Variants in WHRN observed in about 807,000 individuals in gnomAD.
WHRN encodes CASK-interacting protein CIP98.
A neutral mutation model predicts 68.3 loss-of-function variants in WHRN; 41 were observed. That is an observed-to-expected ratio of 0.60 (90% CI 0.47 to 0.78). The LOEUF is 0.78. Ranked by LOEUF, WHRN falls within the 30% of genes least tolerant of loss-of-function variation. WHRN has a pLI of 0.00. For missense variants in WHRN, 1,243 were observed against 1,244.7 expected (o/e 1.00, Z 0.02); for synonymous variants, 560 against 561.3 (o/e 1.00, Z 0.03).
intron 1 of WHRN, among the ~76,000 whole-genome samples, chr9:114,493,564 G>A (rs1037709454): frequency 2.0e-5 from 3 of 152,128 alleles, no homozygotes; most frequent in Non-Finnish European, 4.4e-5. Context: ...GAAGTGTGCT[G>A]ATCAGGCAGT....
rs1225379189 is a variant in WHRN, at chr9:114,468,627, T to G, written c.838-2235A>C. On this transcript the variant is annotated intron_variant, in intron 2 of 11. Coordinates refer to ENST00000362057, the MANE Select transcript of WHRN (RefSeq NM_015404.4). ...TGTGGGATGGGCCCAGCTGCCTTAG[T>G]CCAGGACCAGCCCCAGTTTTCTCCT... 5.3e-5 allele frequency among the ~76,000 whole-genome samples: 8 copies of G among 152,072 alleles called. No individual in the cohort carries two copies. The South Asian group carries it at 1.7e-3, about 32-fold the overall frequency.
At chr9:114,432,620 C>T (rs189050316) in intron 3 of WHRN, among the ~76,000 whole-genome samples, 1 of 152,318 alleles carries the variant, frequency 6.6e-6, no homozygotes, top group East Asian at 1.9e-4. Context: ...GTGCCTGTTA[C>T]CTCCTCTGGA....
intron 3 of WHRN, among the ~76,000 whole-genome samples, chr9:114,427,260 T>A (rs1778357808): frequency 6.6e-6 from 1 of 152,204 alleles, no homozygotes. Context: ...CCTCTCTTTT[T>A]ACAAAAATAC....
At chr9:114,466,994 C>T (rs1840762999) in intron 2 of WHRN, among the ~76,000 whole-genome samples, 1 of 151,286 alleles carries the variant, frequency 6.6e-6, no homozygotes, top group South Asian at 2.1e-4. Flanking sequence ...CCCCAGAGTT[C>T]TCCTGTCACC....
intron 3 of WHRN, among the ~76,000 whole-genome samples, chr9:114,436,128 A>C (rs1837828359): frequency 6.6e-6 from 1 of 152,208 alleles, no homozygotes. Flanking sequence ...CCAGTCTGAA[A>C]AGGCTACACA....
intron 3 of WHRN, among the ~76,000 whole-genome samples, chr9:114,431,264 C>T (rs1837399859): frequency 6.6e-6 from 1 of 152,162 alleles, no homozygotes; most frequent in Admixed American, 6.5e-5. Context: ...CATGATACTA[C>T]CACTAGTTCC....
chr9:114,424,587 C>T (rs1457022039), intron 5 of WHRN, 41 bp from the exon 6 acceptor site: 1 of 1,564,682 alleles, frequency 6.4e-7, no homozygotes, highest in African/African-American at 1.4e-5. Context: ...TTCTTAGCTG[C>T]TCTAGAGCTG....
Position 114,408,122 on chromosome 9 carries a change from T to C in WHRN, c.1627-104A>G, listed in dbSNP as rs1316693273. On this transcript the variant is annotated intron_variant, in intron 7 of 11. Coordinates refer to ENST00000362057, the MANE Select transcript of WHRN (RefSeq NM_015404.4). The stretch of plus-strand genomic sequence containing the variant: ...TTGAGGAAGTCTTAGGACACCTCCA[T>C]GTGGTTCATGTGAGCCCTGACATAC... 8 of 883,888 alleles carry C rather than the reference T, an allele frequency of 9.1e-6. No individual in the cohort carries two copies. In the African/African-American group the frequency reaches 1.2e-4, roughly 13 times the overall value. The allele number at this position is 883,888 out of a possible 1,614,324, so 54.8% of individuals were successfully genotyped here. A position where few individuals can be genotyped will look rare whatever the true frequency, so the allele number is the denominator to read the frequency against.
In WHRN at chr9:114,504,672, G is replaced by T; in HGVS notation, c.130C>A (p.Gln44Lys). The T allele has an allele frequency of 6.2e-7, 1 of 1,601,930 alleles. No homozygotes were observed. The change falls in exon 1 of 12, where the codon CAA (glutamine) becomes AAA (lysine). Residue 44 changes from glutamine (Q) to lysine (K), a missense_variant. Gln to Lys is a moderately conservative substitution (Grantham distance 53). Coordinates refer to ENST00000362057, the MANE Select transcript of WHRN (RefSeq NM_015404.4). ...LLSANVRQLH[Q>K]ALTALLSEAE... Reference sequence around the variant, plus strand: ...TCGCTCAGCAGCGCGGTCAGCGCTTGGTGCAGCTGGCGCACGTTGGCAGAC... The same window carrying T: ...TCGCTCAGCAGCGCGGTCAGCGCTTTGTGCAGCTGGCGCACGTTGGCAGAC...
At chr9:114,419,952 G>A (rs556489306) in intron 7 of WHRN, among the ~76,000 whole-genome samples, 12 of 152,242 alleles carry the variant, frequency 7.9e-5, no homozygotes, top group African/African-American at 2.9e-4. Flanking sequence ...GCAGACATAC[G>A]GGGGTGGCAG....
rs79611133 is a variant in WHRN at position 114,487,052 on chromosome 9, C to CA, written c.619-8282dup. ...CACCTGGAACCTAGGTAAGAGATACCAAAAAAAAAAAAGAGAGCGAGAGTG... is the reference window on the plus strand; with the variant it reads ...CACCTGGAACCTAGGTAAGAGATACCAAAAAAAAAAAAAGAGAGCGAGAGTG... On this transcript the variant is annotated intron_variant, in intron 1 of 11. Coordinates refer to ENST00000362057, the MANE Select transcript of WHRN (RefSeq NM_015404.4). 5.3e-4 allele frequency among the ~76,000 whole-genome samples: 62 copies of CA among 117,642 alleles called. No homozygotes were observed. The East Asian group carries it at 7.6e-3, about 14-fold the overall frequency. 77.2% of individuals were successfully genotyped at this position (117,642 alleles called of 152,430 possible).
intron 1 of WHRN, among the ~76,000 whole-genome samples, chr9:114,486,237 T>C (rs1175876396): frequency 6.6e-6 from 1 of 152,162 alleles, no homozygotes; most frequent in African/African-American, 2.4e-5. Flanking sequence ...AACATCCTTC[T>C]TTAATCCACA....
At chr9:114,502,458 A>T (rs541038993) in intron 1 of WHRN, among the ~76,000 whole-genome samples, 1 of 146,692 alleles carries the variant, frequency 6.8e-6, no homozygotes, top group Non-Finnish European at 1.5e-5. Flanking sequence ...TCTGAGTCAC[A>T]GTTTAACAGC....
chr9:114,466,582 G>C (rs1459943734), intron 2 of WHRN, among the ~76,000 whole-genome samples, 190 bp from the exon 3 acceptor site: 1 of 152,200 alleles, frequency 6.6e-6, no homozygotes, highest in East Asian at 1.9e-4. Flanking sequence ...TGACTTGATG[G>C]GTGACCTTGA....
chr9:114,409,116 T>C (rs1400420353), intron 7 of WHRN, among the ~76,000 whole-genome samples: 1 of 152,224 alleles, frequency 6.6e-6, no homozygotes, highest in Non-Finnish European at 1.5e-5. Context: ...ATAGTATAAC[T>C]GATTGCTTCT....
At chr9:114,467,253 C>T (rs2132974594) in intron 2 of WHRN, among the ~76,000 whole-genome samples, 1 of 152,232 alleles carries the variant, frequency 6.6e-6, no homozygotes, top group East Asian at 1.9e-4. Flanking sequence ...GCTCTACATA[C>T]ATAGGGTGCA....
intron 2 of WHRN, among the ~76,000 whole-genome samples, chr9:114,469,305 T>C (rs566464190): frequency 6.6e-6 from 1 of 152,314 alleles, no homozygotes; most frequent in African/African-American, 2.4e-5. Flanking sequence ...GAGTTCCATC[T>C]ACAGGCTTTC....
intron 1 of WHRN, among the ~76,000 whole-genome samples, chr9:114,484,539 T>C (rs749632148): frequency 1.3e-5 from 2 of 152,160 alleles, no homozygotes; most frequent in South Asian, 2.1e-4. Context: ...AAAAGGAAAA[T>C]TGCAAGATCT....
At chr9:114,483,720 G>C (rs1442205079) in intron 1 of WHRN, among the ~76,000 whole-genome samples, 1 of 152,156 alleles carries the variant, frequency 6.6e-6, no homozygotes, top group East Asian at 1.9e-4. Context: ...GGGTGTCCTA[G>C]GGTTACTTCT....
Sources: allele counts gnomAD v4.1 joint callset (sites outside exome capture counted in the v4.1 genomes callset), GRCh38; gene constraint gnomAD v4.1.1; transcripts MANE v1.5; gene names NCBI Gene and HGNC (gene_info 2026-07-23, HGNC 2026-07-21).